COMMD10: variants seen among roughly 807,000 people sequenced by gnomAD.
COMMD10 encodes COMM domain-containing protein 10.
A neutral mutation model predicts 28.9 loss-of-function variants in COMMD10; 33 were observed. The observed-to-expected ratio is 1.14, with a 90% confidence interval of 0.87 to 1.53. The LOEUF is 1.53. COMMD10 is among the 40% of genes most tolerant of loss of function. The probability of loss-of-function intolerance (pLI) is 0.00; values close to 1 mark genes in which losing one functional copy is unlikely to be tolerated. For synonymous variants in COMMD10, 110 were observed against 81.7 expected (o/e 1.35, Z -1.87); for missense variants, 310 against 233.4 (o/e 1.33, Z -2.14).
chr5:116,109,936 C>T (rs1216894323), intron 4 of COMMD10, among the ~76,000 whole-genome samples: 1 of 152,174 alleles, frequency 6.6e-6, no homozygotes, highest in Non-Finnish European at 1.5e-5. Flanking sequence ...AATGGGCATC[C>T]TTGTCTTGTC....
chr5:116,223,428 G>C (rs1335256116), intron 5 of COMMD10, among the ~76,000 whole-genome samples: 2 of 152,054 alleles, frequency 1.3e-5, no homozygotes, highest in East Asian at 1.9e-4. Context: ...TATTTACTCA[G>C]CTCCAAATTA....
At chr5:116,136,025 A>G (rs756183484) in intron 5 of COMMD10, among the ~76,000 whole-genome samples, 1 of 152,234 alleles carries the variant, frequency 6.6e-6, no homozygotes, top group Non-Finnish European at 1.5e-5. Context: ...CGTGTGCTCA[A>G]TAAATGCTGG....
At chr5:116,153,849 G>A (rs1396787666) in intron 5 of COMMD10, among the ~76,000 whole-genome samples, 1 of 152,102 alleles carries the variant, frequency 6.6e-6, no homozygotes, top group Non-Finnish European at 1.5e-5. Context: ...CAAATGTGAA[G>A]AGTGAGAGAA....
chr5:116,291,094 G>A (rs964923509), intron 5 of COMMD10, among the ~76,000 whole-genome samples: 2 of 152,168 alleles, frequency 1.3e-5, no homozygotes, highest in African/African-American at 4.8e-5. Context: ...GGCAGTAGCT[G>A]TGCTGATGTG....
At chr5:116,120,508 A>T (rs945401973) in intron 4 of COMMD10, among the ~76,000 whole-genome samples, 16 of 151,970 alleles carry the variant, frequency 1.1e-4, no homozygotes, top group African/African-American at 2.7e-4. Context: ...AAATAAAATT[A>T]AAAAAAATTT....
chr5:116,237,846 ACTC>A (rs1749713888), intron 5 of COMMD10, among the ~76,000 whole-genome samples: 1 of 151,960 alleles, frequency 6.6e-6, no homozygotes, highest in African/African-American at 2.4e-5. Context: ...AATATCATCA[ACTC>A]CTACTGAGAA....
At chr5:116,102,429 A>G (rs1021460270) in intron 4 of COMMD10, among the ~76,000 whole-genome samples, 3 of 152,146 alleles carry the variant, frequency 2.0e-5, no homozygotes, top group Non-Finnish European at 4.4e-5. Flanking sequence ...CTATCTTTAT[A>G]CTAGTACCAT....
rs961148026 is a variant in COMMD10, at chr5:116,157,686, C to T, written c.510+23508C>T. Among the ~76,000 whole-genome samples, 8 of 152,160 alleles carry T rather than the reference C, an allele frequency of 5.3e-5. No homozygotes were observed. The East Asian group carries it at 1.5e-3, about 29-fold the overall frequency. The stretch of plus-strand genomic sequence containing the variant: ...TGATGGAACATGCTGCAAAGTCACA[C>T]TTCAAAGGTTATGTTTATAGTGAGA... On this transcript the variant is annotated intron_variant, in intron 5 of 6. Transcript: ENST00000274458.
chr5:116,228,404 A>G lies in COMMD10; in HGVS notation c.511-63113A>G, dbSNP rs1006609549. ...TTGATTTTGCCCAATGACACAAGCT[A>G]TATGTTAATATTAAATTAATATAGA... On this transcript the variant is annotated intron_variant, in intron 5 of 6. Transcript: ENST00000274458. 1.7e-4 allele frequency among the ~76,000 whole-genome samples: 26 copies of G among 152,108 alleles called. 1 individual carries two copies. The highest frequency in any genetic ancestry group is 1.5e-3 in the East Asian group (8 of 5,182).
Position 116,266,993 on chromosome 5 carries a change from C to A in COMMD10, c.511-24524C>A, listed in dbSNP as rs1750605014. 4.6e-5 allele frequency among the ~76,000 whole-genome samples: 7 copies of A among 151,866 alleles called. No individual in the cohort carries two copies. The South Asian group carries it at 1.5e-3, about 31-fold the overall frequency. On this transcript the variant is annotated intron_variant, in intron 5 of 6. Coordinates refer to ENST00000274458, the MANE Select transcript of COMMD10 (RefSeq NM_016144.4). ...TGACAGACCCACAGCCAATATCATACTGAATGGACAAAAACTGGAAGCATT... is the reference window on the plus strand; with the variant it reads ...TGACAGACCCACAGCCAATATCATAATGAATGGACAAAAACTGGAAGCATT...
Position 116,187,824 on chromosome 5 carries a change from G to A in COMMD10, c.510+53646G>A, listed in dbSNP as rs566371331. 6.6e-5 allele frequency among the ~76,000 whole-genome samples: 10 copies of A among 152,084 alleles called. No homozygotes were observed. In the South Asian group the frequency reaches 2.1e-3, roughly 32 times the overall value. On this transcript the variant is annotated intron_variant, in intron 5 of 6. Coordinates refer to ENST00000274458, the MANE Select transcript of COMMD10 (RefSeq NM_016144.4). ...CTTAAATAACTTTATGTTGTAAACAGTGTTTTTTTAAAGTACTTTCTTTAT... is the reference window on the plus strand; with the variant it reads ...CTTAAATAACTTTATGTTGTAAACAATGTTTTTTTAAAGTACTTTCTTTAT...
intron 5 of COMMD10, among the ~76,000 whole-genome samples, chr5:116,282,123 C>G (rs1751085936): frequency 6.6e-6 from 1 of 151,864 alleles, no homozygotes; most frequent in Admixed American, 6.6e-5. Flanking sequence ...ATCTGCAGCT[C>G]TTAAGAATTT....
intron 5 of COMMD10, among the ~76,000 whole-genome samples, chr5:116,259,329 C>T (rs1287166660): frequency 1.3e-5 from 2 of 151,344 alleles, no homozygotes; most frequent in South Asian, 4.2e-4. Context: ...TTTGTATTGT[C>T]ATTATTTTGT....
chr5:116,213,230 A>G (rs1027436806), intron 5 of COMMD10, among the ~76,000 whole-genome samples: 1 of 152,216 alleles, frequency 6.6e-6, no homozygotes, highest in Admixed American at 6.5e-5. Flanking sequence ...TACTAAAGCA[A>G]TTCTTAATAA....
At chr5:116,152,786 G>A (rs1580495160) in intron 5 of COMMD10, among the ~76,000 whole-genome samples, 1 of 152,030 alleles carries the variant, frequency 6.6e-6, no homozygotes, top group African/African-American at 2.4e-5. Flanking sequence ...TTTACTGATT[G>A]TAATTATGTG....
intron 5 of COMMD10, among the ~76,000 whole-genome samples, chr5:116,266,551 C>T (rs1005254975): frequency 1.3e-5 from 2 of 151,778 alleles, no homozygotes; most frequent in African/African-American, 4.9e-5. Flanking sequence ...GGAACTACTT[C>T]TATTACACTC....
At position 116,225,354 on chromosome 5, in the gene COMMD10, A is replaced by G. The variant is rs1382341; in HGVS notation, c.511-66163A>G. 2.6e-4 allele frequency among the ~76,000 whole-genome samples: 35 copies of G among 132,392 alleles called. 1 individual carries two copies. Among genetic ancestry groups the G allele is most frequent in the African/African-American group, 9.2e-4 (32 of 34,920 alleles). 86.9% of individuals were successfully genotyped at this position (132,392 alleles called of 152,430 possible). On this transcript the variant is annotated intron_variant, in intron 5 of 6. Coordinates refer to ENST00000274458, the MANE Select transcript of COMMD10 (RefSeq NM_016144.4). ...GACTTTCCTGTTTGTTTTTTTGGGGATTTTTTTTTTTTTTTTTGCATATGT... is the reference window on the plus strand; with the variant it reads ...GACTTTCCTGTTTGTTTTTTTGGGGGTTTTTTTTTTTTTTTTTGCATATGT...
intron 5 of COMMD10, among the ~76,000 whole-genome samples, chr5:116,209,788 C>A (rs1561668491): frequency 4.6e-5 from 7 of 152,086 alleles, no homozygotes. Flanking sequence ...TTGGACAGAT[C>A]TATTTGGCAG....
intron 5 of COMMD10, among the ~76,000 whole-genome samples, chr5:116,288,273 C>T (rs1225566245): frequency 6.6e-6 from 1 of 151,718 alleles, no homozygotes; most frequent in Non-Finnish European, 1.5e-5. Context: ...TATCATCCTA[C>T]TCCTTTCTGG....
Sources: allele counts gnomAD v4.1 joint callset (sites outside exome capture counted in the v4.1 genomes callset), GRCh38; gene constraint gnomAD v4.1.1; transcripts MANE v1.5; gene names NCBI Gene and HGNC (gene_info 2026-07-23, HGNC 2026-07-21).